Variants in ARMC2 observed in about 807,000 individuals in gnomAD.
The protein encoded by ARMC2 is armadillo repeat-containing protein 2.
In ARMC2, 67 loss-of-function variants were observed where a neutral mutation model predicts 90.3. That is an observed-to-expected ratio of 0.74 (90% CI 0.61 to 0.91). The LOEUF (loss-of-function observed/expected upper bound fraction) is 0.91. ARMC2 is among the 40% of genes least tolerant of loss of function. The probability of loss-of-function intolerance (pLI) is 0.00; values close to 1 mark genes in which losing one functional copy is unlikely to be tolerated. For synonymous variants in ARMC2, 393 were observed against 393.0 expected (o/e 1.00, Z 0.00); for missense variants, 920 against 1,030.9 (o/e 0.89, Z 1.47).
the ARMC2 span, among the ~76,000 whole-genome samples, chr6:108,991,507 G>A: frequency 1.3e-5 from 2 of 152,134 alleles, no homozygotes; most frequent in African/African-American, 4.8e-5. Context: ...CTCTCAAAGT[G>A]CTGGGATTAC....
chr6:109,002,763 C>T, the ARMC2 span, among the ~76,000 whole-genome samples: 1 of 152,102 alleles, frequency 6.6e-6, no homozygotes, highest in Non-Finnish European at 1.5e-5. Flanking sequence ...GTGTCTTAAA[C>T]TAGAAAAAGT....
chr6:109,023,710 C>T, the ARMC2 span, among the ~76,000 whole-genome samples: 1 of 151,860 alleles, frequency 6.6e-6, no homozygotes, highest in Non-Finnish European at 1.5e-5. Context: ...ACATAGAATA[C>T]TAAAGAGAAA....
chr6:108,890,181 C>A (rs1770820770), intron 5 of ARMC2, among the ~76,000 whole-genome samples: 1 of 82,114 alleles, frequency 1.2e-5, no homozygotes, highest in Non-Finnish European at 2.1e-5. Flanking sequence ...CAGAGCGAGA[C>A]TCCGTCTCAA....
chr6:109,027,476 C>CAAAAAA, the ARMC2 span, among the ~76,000 whole-genome samples: 21 of 27,318 alleles, frequency 7.7e-4, 1 homozygote, highest in South Asian at 1.7e-3. Context: ...GACTCTGTCT[C>CAAAAAA]AAAAAAAAAA....
intron 4 of ARMC2, among the ~76,000 whole-genome samples, chr6:108,875,208 G>A (rs1776815769): frequency 1.3e-5 from 2 of 152,110 alleles, no homozygotes; most frequent in African/African-American, 2.4e-5. Context: ...ATTATTATAT[G>A]TCTAAGAATC....
intron 3 of ARMC2, among the ~76,000 whole-genome samples, chr6:108,866,902 C>T (rs1320550365): frequency 6.6e-6 from 1 of 151,912 alleles, no homozygotes; most frequent in African/African-American, 2.4e-5. Context: ...TTGAAATGAA[C>T]AACTTCTTGG....
intron 10 of ARMC2, among the ~76,000 whole-genome samples, chr6:108,914,333 G>A (rs772578899): frequency 6.6e-6 from 1 of 152,096 alleles, no homozygotes; most frequent in East Asian, 1.9e-4. Flanking sequence ...CTTTCCCCTG[G>A]ATTCAGCATC....
At chr6:108,941,823 T>C (rs1336131032) in intron 12 of ARMC2, among the ~76,000 whole-genome samples, 1 of 152,228 alleles carries the variant, frequency 6.6e-6, no homozygotes, top group Non-Finnish European at 1.5e-5. Flanking sequence ...TTTTAACTTT[T>C]AAAAAATTAT....
At chr6:108,963,174 G>A (rs1778119560) in intron 15 of ARMC2, among the ~76,000 whole-genome samples, 1 of 152,094 alleles carries the variant, frequency 6.6e-6, no homozygotes, top group South Asian at 2.1e-4. Flanking sequence ...CTTAAACTGA[G>A]TGGCAAGTAC....
At chr6:109,004,405 TTACTA>T in the ARMC2 span, among the ~76,000 whole-genome samples, 168 of 151,896 alleles carry the variant, frequency 1.1e-3, 1 homozygote, top group African/African-American at 3.9e-3. Flanking sequence ...TAAAGAAAGA[TTACTA>T]TAAATCAATA....
Position 108,885,473 on chromosome 6 carries a change from G to T in ARMC2, c.672-8994G>T, listed in dbSNP as rs140695041. On this transcript the variant is annotated intron_variant, in intron 5 of 17. Coordinates refer to ENST00000392644, the MANE Select transcript of ARMC2 (RefSeq NM_032131.6). ...TGTGATCTCAGCACTTTGGGAGGCC[G>T]AGGTCAGGAATTCAAGACCAGCATG... 3.7e-4 allele frequency among the ~76,000 whole-genome samples: 57 copies of T among 152,110 alleles called. No homozygotes were observed. In the East Asian group the frequency reaches 0.011, roughly 28 times the overall value.
the ARMC2 span, among the ~76,000 whole-genome samples, chr6:109,035,458 G>C: frequency 2.0e-5 from 3 of 151,968 alleles, no homozygotes; most frequent in East Asian, 3.9e-4. Flanking sequence ...ATATGGAGTA[G>C]GTAGGAAGAA....
chr6:108,971,704 T>C (rs1295364979), intron 17 of ARMC2, among the ~76,000 whole-genome samples: 1 of 152,008 alleles, frequency 6.6e-6, no homozygotes. Flanking sequence ...GGCGGATCAC[T>C]TGAGGTCAGG....
chr6:108,848,603 CG>C (rs1357130359), intron 1 of ARMC2, 57 bp downstream of exon 1: 1 of 152,596 alleles, frequency 6.6e-6, no homozygotes, highest in Non-Finnish European at 1.5e-5. Flanking sequence ...GCTCATTCCC[CG>C]GCCCGCCTCT....
At chr6:108,998,541 A>G in the ARMC2 span, 2 of 1,613,806 alleles carry the variant, frequency 1.2e-6, no homozygotes. Flanking sequence ...GTTGACCGGC[A>G]TCTCATCCAC....
rs2128422918 is a variant in ARMC2 at position 108,862,871 on chromosome 6, C to T, written c.291+4600C>T. On this transcript the variant is annotated intron_variant, in intron 3 of 17. Coordinates refer to ENST00000392644, the MANE Select transcript of ARMC2 (RefSeq NM_032131.6). ...GTCAGTCAGGGAACAGGGACTCAGACAGCAGCCTTTCAGCTCCTACATTGA... is the reference window on the plus strand; with the variant it reads ...GTCAGTCAGGGAACAGGGACTCAGATAGCAGCCTTTCAGCTCCTACATTGA... Among the ~76,000 whole-genome samples the T allele has an allele frequency of 2.0e-5, 3 of 152,336 alleles. 1 individual carries two copies. In the East Asian group the frequency reaches 5.8e-4, roughly 29 times the overall value.
intron 1 of ARMC2, among the ~76,000 whole-genome samples, chr6:108,850,100 G>T (rs1407915686): frequency 1.3e-5 from 2 of 152,182 alleles, no homozygotes; most frequent in Non-Finnish European, 2.9e-5. Context: ...ATAAAGACAG[G>T]TCTTTATAAT....
intron 10 of ARMC2, among the ~76,000 whole-genome samples, chr6:108,917,328 C>T (rs928553766): frequency 2.0e-5 from 3 of 152,102 alleles, no homozygotes; most frequent in Non-Finnish European, 2.9e-5. Flanking sequence ...CTCCCCCTTG[C>T]TCAGTACCAT....
the ARMC2 span, chr6:108,998,496 T>C: frequency 6.2e-7 from 1 of 1,612,764 alleles, no homozygotes; most frequent in South Asian, 1.1e-5. Context: ...GACAATCTCA[T>C]GACAAATAAT....
Sources: allele counts gnomAD v4.1 joint callset (sites outside exome capture counted in the v4.1 genomes callset), GRCh38; gene constraint gnomAD v4.1.1; transcripts MANE v1.5; gene names NCBI Gene and HGNC (gene_info 2026-07-23, HGNC 2026-07-21).